MICU3: variants seen among roughly 807,000 people sequenced by gnomAD.
MICU3 encodes mitochondrial calcium uptake 3, also known as calcium uptake protein 3, mitochondrial.
MICU3 carries 62 observed loss-of-function variants against 66.5 expected under a neutral mutation model. The observed-to-expected ratio is 0.93, with a 90% CI of 0.76 to 1.15. The LOEUF is 1.15. Among genes scored for constraint, MICU3 ranks in the 50% most tolerant of loss-of-function variants. The probability of loss-of-function intolerance (pLI) is 0.00; values close to 1 mark genes in which losing one functional copy is unlikely to be tolerated. For missense variants in MICU3, 779 were observed against 664.4 expected (o/e 1.17, Z -1.90); for synonymous variants, 308 against 240.7 (o/e 1.28, Z -2.59).
chr8:17,031,680 TAAGTA>T (rs1812096477), intron 1 of MICU3, among the ~76,000 whole-genome samples: 1 of 152,190 alleles, frequency 6.6e-6, no homozygotes, highest in Non-Finnish European at 1.5e-5. Context: ...AAGTGTCTTT[TAAGTA>T]TAATATGCTG....
intron 1 of MICU3, among the ~76,000 whole-genome samples, chr8:17,043,267 A>G (rs143061311): frequency 1.3e-3 from 204 of 152,258 alleles, no homozygotes; most frequent in Admixed American, 2.2e-3. Context: ...CTGGTTTCAC[A>G]TCAGATCAGA....
chr8:17,088,775 A>G (rs928898060), intron 7 of MICU3, among the ~76,000 whole-genome samples: 16 of 151,980 alleles, frequency 1.1e-4, no homozygotes, highest in Non-Finnish European at 2.1e-4. Context: ...TTAGCAGACA[A>G]TGCACACTGA....
the MICU3 span, among the ~76,000 whole-genome samples, chr8:17,135,081 A>G: frequency 6.6e-6 from 1 of 152,300 alleles, no homozygotes; most frequent in African/African-American, 2.4e-5. Flanking sequence ...CTTTCCTATA[A>G]TATGCATACC....
intron 2 of MICU3, among the ~76,000 whole-genome samples, chr8:17,065,358 G>A (rs116361588): frequency 0.019 from 2,820 of 152,108 alleles, 96 homozygotes; most frequent in African/African-American, 0.065. Context: ...ATTTCCACTG[G>A]ATATCAAGGA....
At chr8:17,130,474 G>T in the MICU3 span, among the ~76,000 whole-genome samples, 1 of 151,570 alleles carries the variant, frequency 6.6e-6, no homozygotes, top group African/African-American at 2.4e-5. Flanking sequence ...AGCCGAGATC[G>T]CACCATTGCA....
chr8:17,057,490 C>T (rs985093252), intron 1 of MICU3, among the ~76,000 whole-genome samples: 12 of 152,172 alleles, frequency 7.9e-5, no homozygotes, highest in Admixed American at 3.9e-4. Flanking sequence ...TATTTAATCT[C>T]TAAGAATTTT....
chr8:17,048,840 A>G (rs1344427054), intron 1 of MICU3, among the ~76,000 whole-genome samples: 1 of 152,132 alleles, frequency 6.6e-6, no homozygotes, highest in Non-Finnish European at 1.5e-5. Flanking sequence ...GCTGGTCTCA[A>G]ACTGCTGGGC....
intron 6 of MICU3, among the ~76,000 whole-genome samples, chr8:17,086,368 A>G (rs1422586309): frequency 6.6e-6 from 1 of 152,080 alleles, no homozygotes; most frequent in South Asian, 2.1e-4. Context: ...GATTACTGGG[A>G]TTTATCAGTA....
chr8:17,129,818 A>T, the MICU3 span, among the ~76,000 whole-genome samples: 1 of 152,218 alleles, frequency 6.6e-6, no homozygotes, highest in Admixed American at 6.5e-5. Flanking sequence ...ACAAACCCAC[A>T]TCTGTTCATA....
chr8:17,115,120 A>G (rs868424129), intron 12 of MICU3, among the ~76,000 whole-genome samples: 3 of 15,202 alleles, frequency 2.0e-4, no homozygotes, highest in Non-Finnish European at 3.1e-4. Context: ...CTCCGTCTCA[A>G]AAAAAAAAAA....
At position 17,120,530 on chromosome 8, in the gene MICU3, T is replaced by A. The variant is rs1803120329; in HGVS notation, c.*243T>A. On this transcript the variant is annotated 3_prime_UTR_variant, in exon 15 of 15. Coordinates refer to ENST00000318063, the MANE Select transcript of MICU3 (RefSeq NM_181723.3). ...TGAGCTTTGCCTTGATTTGCTGAAC[T>A]CTCTGCACTTTTTCATTCCCTTCAG... The A allele has an allele frequency of 6.6e-6, 1 of 152,166 alleles. No homozygotes were observed. Among genetic ancestry groups the A allele is most frequent in the South Asian group, 2.1e-4 (1 of 4,830 alleles). The allele number at this position is 152,166 out of a possible 1,614,324, so 9.4% of individuals were successfully genotyped here.
At chr8:17,130,523 A>G in the MICU3 span, among the ~76,000 whole-genome samples, 2 of 152,178 alleles carry the variant, frequency 1.3e-5, no homozygotes, top group East Asian at 3.9e-4. Flanking sequence ...AAAAAAAAAA[A>G]GAGAAAAAGA....
chr8:17,119,501 A>G lies in MICU3; in HGVS notation c.*726A>G, dbSNP rs537135374. ...AATGCTTGCAAGTATATTCATGTAT[A>G]TGTTTCTTGCTGTTTTTCTCAAGCT... On this transcript the variant is annotated intron_variant, in intron 14 of 14. Coordinates refer to ENST00000318063, the MANE Select transcript of MICU3 (RefSeq NM_181723.3). Among the ~76,000 whole-genome samples the G allele has an allele frequency of 6.0e-4, 91 of 150,880 alleles. 1 individual carries two copies. Among genetic ancestry groups the G allele is most frequent in the African/African-American group, 1.8e-3 (75 of 40,788 alleles).
chr8:17,046,087 G>A (rs938035857), intron 1 of MICU3, among the ~76,000 whole-genome samples: 2 of 152,194 alleles, frequency 1.3e-5, no homozygotes, highest in Non-Finnish European at 2.9e-5. Flanking sequence ...TGAGTTCTAT[G>A]AGCTGCTGTA....
intron 8 of MICU3, among the ~76,000 whole-genome samples, chr8:17,096,399 T>C (rs1345540196): frequency 6.6e-6 from 1 of 151,930 alleles, no homozygotes; most frequent in Non-Finnish European, 1.5e-5. Flanking sequence ...AACTTCCTAC[T>C]AGTTTGCATA....
intron 3 of MICU3, 82 bp from the exon 4 acceptor site, chr8:17,077,701 G>A: frequency 1.1e-6 from 1 of 936,506 alleles, no homozygotes; most frequent in South Asian, 1.6e-5. Flanking sequence ...GGAGAATTTG[G>A]CATGGACATT....
At chr8:17,105,779 AT>A (rs1801688569) in intron 11 of MICU3, among the ~76,000 whole-genome samples, 195 bp downstream of exon 11, 3 of 151,786 alleles carry the variant, frequency 2.0e-5, no homozygotes, top group Non-Finnish European at 4.4e-5. Context: ...AGATATCCAC[AT>A]TTTTCTTAGG....
intron 1 of MICU3, among the ~76,000 whole-genome samples, chr8:17,048,727 T>C (rs1815533211): frequency 6.6e-6 from 1 of 152,136 alleles, no homozygotes; most frequent in Admixed American, 6.5e-5. Flanking sequence ...GATATCCTCT[T>C]GCCTCCGCTT....
chr8:17,048,714 C>T (rs1179895369), intron 1 of MICU3, among the ~76,000 whole-genome samples: 1 of 152,144 alleles, frequency 6.6e-6, no homozygotes, highest in East Asian at 1.9e-4. Context: ...CTCCTGGGCT[C>T]AAGATATCCT....
Sources: allele counts gnomAD v4.1 joint callset (sites outside exome capture counted in the v4.1 genomes callset), GRCh38; gene constraint gnomAD v4.1.1; transcripts MANE v1.5; gene names NCBI Gene and HGNC (gene_info 2026-07-23, HGNC 2026-07-21).